SEMA6D: variants seen among roughly 807,000 people sequenced by gnomAD.
SEMA6D encodes semaphorin 6D, also known as semaphorin-6D.
SEMA6D carries 35 observed loss-of-function variants against 106.6 expected under a neutral mutation model. The observed-to-expected ratio is 0.33, with a 90% CI of 0.25 to 0.44. The LOEUF is 0.44. SEMA6D is among the 20% of genes least tolerant of loss of function. The probability of loss-of-function intolerance (pLI) is 1.00; values close to 1 mark genes in which losing one functional copy is unlikely to be tolerated. For missense variants in SEMA6D, 1,185 were observed against 1,345.9 expected (o/e 0.88, Z 1.87); for synonymous variants, 499 against 487.7 (o/e 1.02, Z -0.31).
At chr15:47,729,550 C>A (rs919990232) in intron 1 of SEMA6D, among the ~76,000 whole-genome samples, 1 of 152,198 alleles carries the variant, frequency 6.6e-6, no homozygotes, top group Non-Finnish European at 1.5e-5. Context: ...CTGGCTCTGG[C>A]ACTGCCCCTT....
intron 1 of SEMA6D, among the ~76,000 whole-genome samples, chr15:47,756,340 T>C (rs566741942): frequency 3.3e-5 from 5 of 152,290 alleles, no homozygotes; most frequent in African/African-American, 9.6e-5. Flanking sequence ...CATTGCTTTT[T>C]TTTTTTCCAC....
intron 3 of SEMA6D, among the ~76,000 whole-genome samples, chr15:47,593,812 G>A (rs926368405): frequency 1.3e-5 from 2 of 152,166 alleles, no homozygotes; most frequent in African/African-American, 2.4e-5. Context: ...CGTGGCTGGA[G>A]TGGAAGCAAG....
intron 1 of SEMA6D, among the ~76,000 whole-genome samples, chr15:47,191,587 C>T (rs1053055997): frequency 2.0e-5 from 3 of 152,050 alleles, no homozygotes; most frequent in South Asian, 2.1e-4. Flanking sequence ...GAGGACTTAC[C>T]GTGTCCCAGG....
At chr15:47,553,240 T>A (rs2045817040) in intron 3 of SEMA6D, among the ~76,000 whole-genome samples, 1 of 151,958 alleles carries the variant, frequency 6.6e-6, no homozygotes. Context: ...TCATAAAGTC[T>A]TTCAAAAGTT....
chr15:47,715,317 G>C (rs1233511283), upstream of SEMA6D, among the ~76,000 whole-genome samples: 1 of 152,182 alleles, frequency 6.6e-6, no homozygotes, highest in Non-Finnish European at 1.5e-5. Flanking sequence ...CAACTGATGA[G>C]ACCAAATGCT....
At chr15:47,515,181 A>G (rs1015822588) in intron 3 of SEMA6D, among the ~76,000 whole-genome samples, 12 of 151,560 alleles carry the variant, frequency 7.9e-5, no homozygotes, top group Admixed American at 4.6e-4. Flanking sequence ...TAACTCCCTC[A>G]CCTCCTTCAA....
chr15:47,498,334 A>G (rs980282400), intron 3 of SEMA6D, among the ~76,000 whole-genome samples: 9 of 152,146 alleles, frequency 5.9e-5, no homozygotes, highest in African/African-American at 2.2e-4. Context: ...AACCAGCCTG[A>G]AGCAAAACCG....
chr15:47,535,328 A>G (rs946831611), intron 3 of SEMA6D, among the ~76,000 whole-genome samples: 1 of 152,180 alleles, frequency 6.6e-6, no homozygotes, highest in African/African-American at 2.4e-5. Context: ...AGATAAGAAC[A>G]TAAAGGTAGA....
intron 3 of SEMA6D, among the ~76,000 whole-genome samples, chr15:47,600,406 A>G (rs568163099): frequency 5.3e-5 from 8 of 152,264 alleles, no homozygotes; most frequent in African/African-American, 1.9e-4. Flanking sequence ...GTTCATGAAG[A>G]AAAATGAGAT....
chr15:47,202,552 CAG>C (rs765330354), intron 1 of SEMA6D, among the ~76,000 whole-genome samples: 20 of 152,134 alleles, frequency 1.3e-4, no homozygotes, highest in African/African-American at 2.7e-4. Flanking sequence ...AGGAAAGAAT[CAG>C]GGGAGAAGAG....
intron 3 of SEMA6D, among the ~76,000 whole-genome samples, chr15:47,502,521 A>G (rs1311361126): frequency 2.0e-5 from 3 of 152,204 alleles, no homozygotes; most frequent in African/African-American, 7.2e-5. Flanking sequence ...TCCGGCCTGA[A>G]GTGCAAATGG....
intron 1 of SEMA6D, among the ~76,000 whole-genome samples, chr15:47,312,276 T>A (rs2143096843): frequency 6.6e-6 from 1 of 152,278 alleles, no homozygotes; most frequent in Middle Eastern, 3.4e-3. Flanking sequence ...AACTTACAGT[T>A]CTTCCTAAAA....
intron 4 of SEMA6D, among the ~76,000 whole-genome samples, chr15:47,619,952 T>A (rs1262616326): frequency 1.3e-5 from 2 of 152,150 alleles, no homozygotes; most frequent in Non-Finnish European, 2.9e-5. Context: ...TTAATTGATT[T>A]TTGTCTCCCT....
intron 3 of SEMA6D, among the ~76,000 whole-genome samples, chr15:47,533,665 G>T (rs1261360134): frequency 6.6e-6 from 1 of 152,142 alleles, no homozygotes; most frequent in Non-Finnish European, 1.5e-5. Context: ...TGCCAAAGCT[G>T]CACCCCTTGA....
At chr15:47,685,148 G>A (rs963353128) in intron 4 of SEMA6D, among the ~76,000 whole-genome samples, 7 of 152,064 alleles carry the variant, frequency 4.6e-5, no homozygotes, top group African/African-American at 1.4e-4. Flanking sequence ...CTTTCCAAGC[G>A]GTCTGTTTCT....
Position 47,771,335 on chromosome 15 carries a change from C to A in SEMA6D, c.2772C>A (p.Asn924Lys), listed in dbSNP as rs1292812120. Reference protein sequence around the residue: ...SMSEVPPKVPNREASLYSPPS... With the variant: ...SMSEVPPKVPKREASLYSPPS... ...CTGAGGTCCCACCTAAAGTCCCTAA[C>A]CGGGAGGCATCGCTATACTCCCCTC... Residue 924 changes from asparagine to lysine, a missense_variant, in exon 19 of 19, where the codon AAC becomes AAA. Coordinates refer to ENST00000536845, the MANE Select transcript of SEMA6D (RefSeq NM_001358351.3). 9.3e-6 allele frequency: 15 copies of A among 1,613,884 alleles called. No individual in the cohort carries two copies. The highest frequency in any genetic ancestry group is 1.2e-5 in the Non-Finnish European group (14 of 1,179,990).
intron 3 of SEMA6D, among the ~76,000 whole-genome samples, chr15:47,503,213 C>T (rs1285425592): frequency 6.6e-6 from 1 of 152,080 alleles, no homozygotes; most frequent in Non-Finnish European, 1.5e-5. Flanking sequence ...CAATATTTTT[C>T]TGCTGATATA....
At chr15:47,480,332 G>C (rs988538972) in intron 3 of SEMA6D, among the ~76,000 whole-genome samples, 1 of 151,628 alleles carries the variant, frequency 6.6e-6, no homozygotes, top group African/African-American at 2.4e-5. Flanking sequence ...TCATAATACT[G>C]TCCCACCCAG....
intron 1 of SEMA6D, among the ~76,000 whole-genome samples, chr15:47,319,232 G>A (rs187544033): frequency 1.3e-5 from 2 of 152,102 alleles, no homozygotes; most frequent in South Asian, 2.1e-4. Context: ...ATTCATTGAA[G>A]CCCTTAGCAT....
Sources: gnomAD v4.1 joint callset for allele counts (sites outside exome capture counted in the v4.1 genomes callset) on GRCh38, gnomAD v4.1.1 for gene constraint, MANE v1.5 for transcripts, NCBI Gene and HGNC (gene_info 2026-07-23, HGNC 2026-07-21) for gene names.